Variants in EPHA6 observed in about 807,000 individuals in gnomAD.
EPHA6 encodes the protein EPH receptor A6, also known as ephrin type-A receptor 6.
EPHA6 carries 50 observed loss-of-function variants against 112.0 expected under a neutral mutation model. That is an observed-to-expected ratio of 0.45 (90% CI 0.36 to 0.56). EPHA6 has a LOEUF of 0.56. Ranked by LOEUF, EPHA6 falls within the 20% of genes least tolerant of loss-of-function variation. The pLI is 0.00. For missense variants in EPHA6, 1,280 were observed against 1,417.4 expected (o/e 0.90, Z 1.56); for synonymous variants, 529 against 490.7 (o/e 1.08, Z -1.03).
chr3:96,994,732 T>TAGAGAGAGAG lies in EPHA6; in HGVS notation c.1114+6760_1114+6769dup, dbSNP rs71623564. Reference sequence around the variant, plus strand: ...GTGTATATATATATATATATATATATAGAGAGAGAGAGAGAGAGAGAGAGA... The same window carrying TAGAGAGAGAG: ...GTGTATATATATATATATATATATATAGAGAGAGAGAGAGAGAGAGAGAGAGAGAGAGAGA... On this transcript the variant is annotated intron_variant, in intron 3 of 17. Coordinates refer to ENST00000389672, the MANE Select transcript of EPHA6 (RefSeq NM_001080448.3). 4.7e-3 allele frequency among the ~76,000 whole-genome samples: 389 copies of TAGAGAGAGAG among 82,172 alleles called. 5 individuals are homozygous for TAGAGAGAGAG. The highest frequency in any genetic ancestry group is 0.018 in the East Asian group (56 of 3,116). 53.9% of individuals were successfully genotyped at this position (82,172 alleles called of 152,430 possible).
chr3:96,915,347 T>C (rs1334354157), intron 2 of EPHA6, among the ~76,000 whole-genome samples: 1 of 152,084 alleles, frequency 6.6e-6, no homozygotes. Flanking sequence ...AGGCTATTTT[T>C]CTATACCTAA....
At chr3:97,073,473 A>G (rs183755163) in intron 3 of EPHA6, among the ~76,000 whole-genome samples, 4 of 152,262 alleles carry the variant, frequency 2.6e-5, no homozygotes, top group African/African-American at 7.2e-5. Flanking sequence ...ATTTTGCTTT[A>G]ACTGCATTTA....
chr3:97,106,352 C>A (rs1373726439), intron 3 of EPHA6, among the ~76,000 whole-genome samples: 1 of 151,878 alleles, frequency 6.6e-6, no homozygotes, highest in Admixed American at 6.6e-5. Flanking sequence ...TCAGAATTTC[C>A]CCCAATCTCA....
At chr3:97,231,828 GAC>G (rs1340704689) in intron 4 of EPHA6, among the ~76,000 whole-genome samples, 1 of 152,200 alleles carries the variant, frequency 6.6e-6, no homozygotes, top group Non-Finnish European at 1.5e-5. Context: ...GCTTGGTGAT[GAC>G]TTATAGTCGT....
intron 5 of EPHA6, among the ~76,000 whole-genome samples, chr3:97,391,248 G>T (rs1164099618): frequency 6.6e-6 from 1 of 151,852 alleles, no homozygotes; most frequent in East Asian, 1.9e-4. Context: ...AAAGTTCAGA[G>T]GGCATGACAA....
chr3:97,052,708 A>C (rs1235808003), intron 3 of EPHA6, among the ~76,000 whole-genome samples: 1 of 152,078 alleles, frequency 6.6e-6, no homozygotes, highest in East Asian at 1.9e-4. Context: ...TTTGGATTTC[A>C]TTTTCAGATA....
At chr3:97,133,668 T>C (rs1045388193) in intron 3 of EPHA6, among the ~76,000 whole-genome samples, 1 of 152,028 alleles carries the variant, frequency 6.6e-6, no homozygotes, top group Non-Finnish European at 1.5e-5. Flanking sequence ...ATATCCTTCT[T>C]GATGTTTTCT....
intron 14 of EPHA6, among the ~76,000 whole-genome samples, chr3:97,698,876 G>A (rs907471507): frequency 7.2e-5 from 11 of 152,048 alleles, no homozygotes; most frequent in Non-Finnish European, 1.5e-4. Flanking sequence ...CCTGCCAAAC[G>A]GTTCCTGCCA....
In EPHA6 at chr3:97,669,815, T is replaced by C. The variant is rs571307151; in HGVS notation, c.2784+31733T>C. The stretch of plus-strand genomic sequence containing the variant: ...CTTGTTACATCTACTTTTCAGCACA[T>C]TGTGGAACCTTCATAAATATTCAGC... On this transcript the variant is annotated intron_variant, in intron 14 of 17. Transcript: ENST00000389672. 5.4e-4 allele frequency among the ~76,000 whole-genome samples: 83 copies of C among 152,344 alleles called. 1 individual carries two copies. In the South Asian group the frequency reaches 8.5e-3, roughly 16 times the overall value.
At chr3:97,210,464 G>A (rs939552204) in intron 3 of EPHA6, among the ~76,000 whole-genome samples, 5 of 152,108 alleles carry the variant, frequency 3.3e-5, no homozygotes, top group African/African-American at 4.8e-5. Flanking sequence ...ACCTTGACAC[G>A]TGGGGATGAT....
intron 4 of EPHA6, among the ~76,000 whole-genome samples, chr3:97,238,999 A>G (rs2078763269): frequency 6.6e-6 from 1 of 152,002 alleles, no homozygotes; most frequent in African/African-American, 2.4e-5. Flanking sequence ...AAAGTTAACT[A>G]AATCCTGATT....
intron 2 of EPHA6, among the ~76,000 whole-genome samples, chr3:96,932,223 T>C (rs1003359196): frequency 1.3e-5 from 2 of 152,192 alleles, no homozygotes; most frequent in Non-Finnish European, 2.9e-5. Context: ...GATATTACGG[T>C]TAAAGGTACT....
chr3:96,957,890 A>T (rs778739778), intron 2 of EPHA6, among the ~76,000 whole-genome samples: 3 of 152,084 alleles, frequency 2.0e-5, no homozygotes, highest in Non-Finnish European at 4.4e-5. Context: ...GGTTGTTTTC[A>T]CTACATGTGG....
At chr3:97,258,855 T>G (rs1402579531) in intron 5 of EPHA6, among the ~76,000 whole-genome samples, 1 of 151,990 alleles carries the variant, frequency 6.6e-6, no homozygotes, top group African/African-American at 2.4e-5. Context: ...CTGTGTAGTC[T>G]TTTCATATTT....
intron 14 of EPHA6, among the ~76,000 whole-genome samples, chr3:97,643,622 A>G (rs2094029986): frequency 6.6e-6 from 1 of 150,904 alleles, no homozygotes. Context: ...GGAAAACAAA[A>G]AAAAGCAGGC....
chr3:97,488,826 A>T (rs889485113), intron 10 of EPHA6, among the ~76,000 whole-genome samples: 3 of 152,230 alleles, frequency 2.0e-5, no homozygotes, highest in African/African-American at 7.2e-5. Flanking sequence ...CATGTTGAGT[A>T]GACTGAGAAT....
At chr3:96,994,732 T>TATATATATAGAGAGAGAGAG (rs1170197805) in intron 3 of EPHA6, among the ~76,000 whole-genome samples, 5 of 82,200 alleles carry the variant, frequency 6.1e-5, no homozygotes, top group African/African-American at 3.2e-4. Flanking sequence ...TATATATATA[T>TATATATATAGAGAGAGAGAG]AGAGAGAGAG....
intron 13 of EPHA6, among the ~76,000 whole-genome samples, chr3:97,632,503 C>T (rs765607334): frequency 3.3e-5 from 5 of 151,640 alleles, no homozygotes; most frequent in Non-Finnish European, 5.9e-5. Flanking sequence ...TTTTGCTTCC[C>T]ACATTGACTC....
chr3:96,940,061 G>GA (rs1296766619), intron 2 of EPHA6, among the ~76,000 whole-genome samples: 16 of 152,026 alleles, frequency 1.1e-4, no homozygotes, highest in Non-Finnish European at 1.8e-4. Context: ...GTGTGGTGCT[G>GA]AAAAAAAATG....
Sources: gnomAD v4.1 joint callset for allele counts (sites outside exome capture counted in the v4.1 genomes callset) on GRCh38, gnomAD v4.1.1 for gene constraint, MANE v1.5 for transcripts, NCBI Gene and HGNC (gene_info 2026-07-23, HGNC 2026-07-21) for gene names.